Variants in NLGN4X observed in about 807,000 individuals in gnomAD.
NLGN4X encodes the protein neuroligin-4, X-linked.
A neutral mutation model predicts 40.3 loss-of-function variants in NLGN4X; 3 were observed. The ratio of observed to expected loss-of-function variants is 0.07; its 90% CI spans 0.03 to 0.19. The LOEUF (loss-of-function observed/expected upper bound fraction) is 0.19. Among genes scored for constraint, NLGN4X ranks in the 10% least tolerant of loss-of-function variants. The pLI is 1.00. For synonymous variants in NLGN4X, 270 were observed against 306.8 expected, an observed-to-expected ratio of 0.88 and a Z score of 1.25; for missense variants, 382 against 708.3, an observed-to-expected ratio of 0.54 and a Z score of 5.23.
At chrX:5,989,242 A>G (rs1411047373) in intron 3 of NLGN4X, among the ~76,000 whole-genome samples, 1 of 111,503 alleles carries the variant, frequency 9.0e-6, no homozygotes, top group Non-Finnish European at 1.9e-5. Context: ...ATGCCTCCTT[A>G]AGGATTAAGA....
chrX:5,969,231 C>G (rs1347468656), intron 3 of NLGN4X, among the ~76,000 whole-genome samples: 2 of 111,044 alleles, frequency 1.8e-5, no homozygotes, highest in African/African-American at 3.3e-5. Flanking sequence ...TCAGAGTGAA[C>G]AGGCAACCTA....
chrX:6,037,672 T>A (rs2037051200), intron 2 of NLGN4X, among the ~76,000 whole-genome samples: 1 of 106,797 alleles, frequency 9.4e-6, no homozygotes, highest in Non-Finnish European at 1.9e-5. Context: ...AGGTTAATTT[T>A]CAACTTAGTC....
intron 2 of NLGN4X, among the ~76,000 whole-genome samples, chrX:6,116,290 C>CAAAAAAAAAAAAAAAAAAAAA (rs758019203): frequency 6.2e-5 from 1 of 16,167 alleles, no homozygotes; most frequent in African/African-American, 2.4e-4. Context: ...GAGACTCTGT[C>CAAAAAAAAAAAAAAAAAAAAA]AAAAAAAAAA....
intron 3 of NLGN4X, among the ~76,000 whole-genome samples, chrX:5,985,834 C>A (rs1424149416): frequency 9.0e-6 from 1 of 111,426 alleles, no homozygotes; most frequent in African/African-American, 3.3e-5. Flanking sequence ...ACTAACAAAA[C>A]AAAGGTAATG....
At chrX:6,185,847 A>G (rs1043280375) in intron 1 of NLGN4X, among the ~76,000 whole-genome samples, 1 of 111,564 alleles carries the variant, frequency 9.0e-6, no homozygotes, top group East Asian at 2.8e-4. Context: ...GAGACCACCA[A>G]TGAAAACCCA....
chrX:5,946,398 T>C (rs1157686110), intron 3 of NLGN4X, among the ~76,000 whole-genome samples: 1 of 111,977 alleles, frequency 8.9e-6, no homozygotes, highest in Non-Finnish European at 1.9e-5. Flanking sequence ...TGGATACCAT[T>C]ACACAACTCA....
chrX:6,023,280 G>A (rs954317421), intron 3 of NLGN4X, among the ~76,000 whole-genome samples: 13 of 111,793 alleles, frequency 1.2e-4, no homozygotes, highest in Non-Finnish European at 2.3e-4. Flanking sequence ...AAGCAAACCA[G>A]TATCGATTGA....
rs965823837 is a variant in NLGN4X at position 6,139,693 on chromosome X, G to A, written c.472+11302C>T. ...TCCCTGAAATCCTAAAGCAGTCCCT[G>A]AAGACACTGCTTTTGATGAAACGTT... On this transcript the variant is annotated intron_variant, in intron 2 of 5. Transcript: ENST00000381095. Among the ~76,000 whole-genome samples, 11 of 111,547 alleles carry A rather than the reference G, an allele frequency of 9.9e-5. No homozygotes were observed. The Admixed American group carries it at 1.1e-3, about 11-fold the overall frequency.
At chrX:6,046,873 G>A (rs1192238959) in intron 2 of NLGN4X, among the ~76,000 whole-genome samples, 1 of 106,974 alleles carries the variant, frequency 9.3e-6, no homozygotes, top group Non-Finnish European at 1.9e-5. Flanking sequence ...ACACATGTCT[G>A]TATACATACA....
At chrX:6,105,792 G>A (rs1261674947) in intron 2 of NLGN4X, among the ~76,000 whole-genome samples, 1 of 112,076 alleles carries the variant, frequency 8.9e-6, no homozygotes, top group Non-Finnish European at 1.9e-5. Flanking sequence ...CAACACAGAT[G>A]TCAGTCTTTA....
At chrX:5,915,201 T>A (rs1601877933) in intron 3 of NLGN4X, among the ~76,000 whole-genome samples, 1 of 112,226 alleles carries the variant, frequency 8.9e-6, no homozygotes, top group Admixed American at 9.5e-5. Flanking sequence ...CTAAAACAAT[T>A]ATAAGAGACA....
intron 2 of NLGN4X, among the ~76,000 whole-genome samples, chrX:6,130,195 T>C (rs2039650866): frequency 8.9e-6 from 1 of 112,018 alleles, no homozygotes; most frequent in Non-Finnish European, 1.9e-5. Flanking sequence ...GCCCCAAATC[T>C]TTAAAATATT....
intron 2 of NLGN4X, among the ~76,000 whole-genome samples, chrX:6,083,103 T>C (rs367720992): frequency 0.034 from 3,414 of 100,766 alleles, 181 homozygotes; most frequent in African/African-American, 0.11. Flanking sequence ...GGACTACAGG[T>C]GCCCGCCACC....
chrX:6,025,935 AT>A (rs1451247322), intron 3 of NLGN4X, among the ~76,000 whole-genome samples: 6 of 109,798 alleles, frequency 5.5e-5, no homozygotes, highest in African/African-American at 2.0e-4. Flanking sequence ...GAAAAAAGTT[AT>A]TTTTTTATTG....
At chrX:6,203,977 G>A (rs1483553497) in intron 1 of NLGN4X, among the ~76,000 whole-genome samples, 1 of 112,246 alleles carries the variant, frequency 8.9e-6, no homozygotes, top group Non-Finnish European at 1.9e-5. Flanking sequence ...TGCATGCCTT[G>A]TAGTATAGGT....
intron 2 of NLGN4X, among the ~76,000 whole-genome samples, chrX:6,033,583 A>C (rs1298460427): frequency 8.9e-6 from 1 of 112,374 alleles, no homozygotes; most frequent in Non-Finnish European, 1.9e-5. Context: ...TGTTTAAAAT[A>C]GTTACTAAAT....
At chrX:6,128,830 ATTT>A (rs957456032) in intron 2 of NLGN4X, among the ~76,000 whole-genome samples, 1 of 111,222 alleles carries the variant, frequency 9.0e-6, no homozygotes, top group Non-Finnish European at 1.9e-5. Context: ...ATATTTTTTA[ATTT>A]TTTTTTGCTA....
At chrX:6,148,018 T>G (rs755024997) in intron 2 of NLGN4X, among the ~76,000 whole-genome samples, 5 of 112,092 alleles carry the variant, frequency 4.5e-5, no homozygotes, top group African/African-American at 1.3e-4. Context: ...TTAAAGGGAA[T>G]TATAAAAAGT....
At chrX:6,125,370 T>C (rs763638059) in intron 2 of NLGN4X, among the ~76,000 whole-genome samples, 12 of 110,625 alleles carry the variant, frequency 1.1e-4, no homozygotes, top group African/African-American at 3.9e-4. Context: ...AGCTTAATAA[T>C]ATAAACAAAC....
Sources: gnomAD v4.1 joint callset for allele counts (sites outside exome capture counted in the v4.1 genomes callset) on GRCh38, gnomAD v4.1.1 for gene constraint, MANE v1.5 for transcripts, NCBI Gene and HGNC (gene_info 2026-07-23, HGNC 2026-07-21) for gene names.